The following RTKN variants were observed in gnomAD, a reference collection of about 807,000 sequenced individuals.
The protein encoded by RTKN is rhotekin.
Under a neutral mutation model 63.5 loss-of-function variants are expected in RTKN, and 49 were observed. The observed-to-expected ratio is 0.77, with a 90% CI of 0.61 to 0.98. The LOEUF is 0.98. Among genes scored for constraint, RTKN ranks in the 50% least tolerant of loss-of-function variants. The pLI is 0.00. For missense variants in RTKN, 685 were observed against 740.8 expected (o/e 0.92, Z 0.87); for synonymous variants, 295 against 290.4 (o/e 1.02, Z -0.16).
chr2:74,441,858 C>A lies in RTKN; in HGVS notation c.-42G>T. 1 of 1,314,902 alleles carries A rather than the reference C, an allele frequency of 7.6e-7. No homozygotes were observed. The highest frequency in any genetic ancestry group is 1.9e-5 in the Admixed American group (1 of 52,444). 81.5% of individuals were successfully genotyped at this position (1,314,902 alleles called of 1,614,324 possible). A position where few individuals can be genotyped will look rare whatever the true frequency, so the allele number is the denominator to read the frequency against. On this transcript the variant is annotated 5_prime_UTR_variant, in exon 1 of 12. Transcript: ENST00000272430. ...CTTTGCCTGCTCAGTGCGCTCCCCGCGCCGCCCGGCTTAGCCTCCTCTCCT... is the reference window on the plus strand; with the variant it reads ...CTTTGCCTGCTCAGTGCGCTCCCCGAGCCGCCCGGCTTAGCCTCCTCTCCT...
intron 9 of RTKN, 147 bp downstream of exon 9, chr2:74,428,121 T>C: frequency 1.0e-6 from 1 of 970,296 alleles, no homozygotes; most frequent in Non-Finnish European, 1.5e-6. Context: ...TTGGGGAAAA[T>C]ACGGGCCCCT....
At chr2:74,427,641 C>A (rs964417708) in intron 9 of RTKN, 49 bp from the exon 10 acceptor site, 1 of 1,581,750 alleles carries the variant, frequency 6.3e-7, no homozygotes, top group Non-Finnish European at 8.6e-7. Flanking sequence ...TTGGCAGTGA[C>A]AATCAGGCAG....
chr2:74,439,655 AC>A (rs1285006135), intron 1 of RTKN: 18 of 1,612,902 alleles, frequency 1.1e-5, no homozygotes, highest in Admixed American at 6.7e-5. Context: ...TCCCTTGTCA[AC>A]CCCTCCAGAG....
chr2:74,437,797 A>G (rs1217680862), intron 1 of RTKN, among the ~76,000 whole-genome samples: 4 of 152,220 alleles, frequency 2.6e-5, no homozygotes, highest in African/African-American at 7.2e-5. Flanking sequence ...TAGAGTCCCA[A>G]CGAGTTCACT....
Position 74,441,914 on chromosome 2 carries a change from G to T in RTKN, c.-98C>A. ...TCTGTCTCTCGACGCTCGTCCGCCA[G>T]TCCGGCCGGGAATCTCCCGCTGCGG... is the stretch of plus-strand genomic sequence containing the variant. On this transcript the variant is annotated 5_prime_UTR_variant, in exon 1 of 12. It adds an upstream start codon to the 5' untranslated region. Transcript: ENST00000272430. The T allele has an allele frequency of 1.4e-6, 1 of 730,664 alleles. No individual in the cohort carries two copies. The highest frequency in any genetic ancestry group is 2.3e-6 in the Non-Finnish European group (1 of 436,814). 45.3% of individuals were successfully genotyped at this position (730,664 alleles called of 1,614,324 possible).
Position 74,441,837 on chromosome 2 carries a change from G to A in RTKN, c.-21C>T, listed in dbSNP as rs767885550. ...AACATGCTGGCGGCCCTGCGACTTT[G>A]CCTGCTCAGTGCGCTCCCCGCGCCG... On this transcript the variant is annotated 5_prime_UTR_variant, in exon 1 of 12. Transcript: ENST00000272430. 15 of 1,528,906 alleles carry A rather than the reference G, an allele frequency of 9.8e-6. No individual in the cohort carries two copies. The highest frequency in any genetic ancestry group is 1.3e-5 in the Non-Finnish European group (14 of 1,111,818). 94.7% of individuals were successfully genotyped at this position (1,528,906 alleles called of 1,614,324 possible).
chr2:74,427,637 G>A (rs752282508), intron 9 of RTKN, 45 bp from the exon 10 acceptor site: 1 of 1,586,606 alleles, frequency 6.3e-7, no homozygotes, highest in South Asian at 1.1e-5. Flanking sequence ...GAAGTTGGCA[G>A]TGACAATCAG....
At chr2:74,426,892 T>G in intron 11 of RTKN, 1 of 1,355,360 alleles carries the variant, frequency 7.4e-7, no homozygotes, top group Non-Finnish European at 9.4e-7. Context: ...GAGACAGGAA[T>G]CCACATGCAG....
chr2:74,428,285 T>C lies in RTKN; in HGVS notation c.1069A>G (p.Thr357Ala), dbSNP rs553130094. 1 of 1,614,168 alleles carries C rather than the reference T, an allele frequency of 6.2e-7. No homozygotes were observed. Among genetic ancestry groups the C allele is most frequent in the African/African-American group, 1.3e-5 (1 of 75,046 alleles). The change falls in exon 9 of 12, where the codon ACT (threonine) becomes GCT (alanine). Residue 357 changes from threonine (T) to alanine (A), a missense_variant. By Grantham distance (58) the Thr-to-Ala change is moderately conservative (BLOSUM62 0). Transcript: ENST00000272430. ...CCCATCACCTTGTTGACAGCAATAG[T>C]AAGCAGCGGCTCTTCCCCAGTGTCT... ...DADTGEEPLL[T>A]IAVNKETRVR...
intron 1 of RTKN, among the ~76,000 whole-genome samples, chr2:74,433,184 A>T (rs957847465): frequency 2.6e-5 from 4 of 151,196 alleles, no homozygotes; most frequent in African/African-American, 9.7e-5. Flanking sequence ...CGGAGCTTGC[A>T]GTGAGCCGAG....
rs200771169 is a variant in RTKN, at chr2:74,430,024, G to T, written c.559C>A (p.Pro187Thr). Residue 187 changes from proline (P) to threonine (T), a missense_variant, in exon 6 of 12, where the codon CCA (proline) becomes ACA (threonine). By Grantham distance (38) the Pro-to-Thr change is conservative. Coordinates refer to ENST00000272430, the MANE Select transcript of RTKN (RefSeq NM_001015055.2). ...QSNVLFAEAG[P>T]DFELRLELYG... is the part of the protein sequence containing the mutation. Reference sequence around the variant, plus strand: ...AGCTCTAACCGCAGTTCAAAGTCTGGCCCCGCCTCAGCGCTGGTGGGAGGA... The same window carrying T: ...AGCTCTAACCGCAGTTCAAAGTCTGTCCCCGCCTCAGCGCTGGTGGGAGGA... 1.8e-5 allele frequency: 29 copies of T among 1,614,204 alleles called. No individual in the cohort carries two copies. The Admixed American group carries it at 4.7e-4, about 26-fold the overall frequency.
intron 1 of RTKN, among the ~76,000 whole-genome samples, chr2:74,434,482 G>A (rs1670947792): frequency 1.3e-5 from 2 of 152,088 alleles, no homozygotes; most frequent in South Asian, 2.1e-4. Context: ...GTTGCACCAT[G>A]TTGGCCAGGC....
rs901858282 is a variant in RTKN at position 74,427,127 on chromosome 2, A to G, written c.1360+42T>C. 3.2e-6 allele frequency: 5 copies of G among 1,583,554 alleles called. No individual in the cohort carries two copies. In the African/African-American group the frequency reaches 6.8e-5, roughly 21 times the overall value. On this transcript the variant is annotated intron_variant, in intron 11 of 11. Coordinates refer to ENST00000272430, the MANE Select transcript of RTKN (RefSeq NM_001015055.2). The stretch of plus-strand genomic sequence containing the variant: ...GGTTTCTCTTGAAGTCCCCAACCCT[A>G]CTTCCCATTAGCTTCCTGGAGTTCA...
chr2:74,428,072 G>C, intron 9 of RTKN, 196 bp downstream of exon 9: 1 of 651,252 alleles, frequency 1.5e-6, no homozygotes, highest in East Asian at 2.8e-5. Flanking sequence ...ACTGAGGATG[G>C]CAAGTGAATG....
intron 11 of RTKN, 101 bp downstream of exon 11, chr2:74,427,068 C>T (rs1010933081): frequency 2.7e-6 from 4 of 1,509,050 alleles, no homozygotes; most frequent in African/African-American, 2.8e-5. Flanking sequence ...TCTGGTGTAG[C>T]CCAGAGTGTG....
At chr2:74,440,468 G>C in intron 1 of RTKN, 2 of 986,774 alleles carry the variant, frequency 2.0e-6, no homozygotes, top group Non-Finnish European at 2.4e-6. Context: ...AACCAGCCCC[G>C]ATTCCGAGCC....
chr2:74,427,415 C>T lies in RTKN; in HGVS notation c.1255+9G>A, dbSNP rs753864814. 1 of 1,613,828 alleles carries T rather than the reference C, an allele frequency of 6.2e-7. No homozygotes were observed. The highest frequency in any genetic ancestry group is 1.7e-4 in the Middle Eastern group (1 of 6,060). ...CCCAAAGGTTCAACCCAGCCCCCTT[C>T]TCTCTTACTCATGTCAAAGAAAAGC... On this transcript the variant is annotated intron_variant, in intron 10 of 11. Coordinates refer to ENST00000272430, the MANE Select transcript of RTKN (RefSeq NM_001015055.2).
chr2:74,429,755 T>G, intron 6 of RTKN, 73 bp downstream of exon 6: 1 of 1,425,280 alleles, frequency 7.0e-7, no homozygotes. Flanking sequence ...TTCTGCACAC[T>G]CAACACAGTT....
intron 4 of RTKN, 31 bp downstream of exon 4, chr2:74,430,434 C>G: frequency 6.2e-7 from 1 of 1,614,002 alleles, no homozygotes; most frequent in Non-Finnish European, 8.5e-7. Flanking sequence ...GGTCATTCCC[C>G]TGAATTTGTC....
Sources: allele counts gnomAD v4.1 joint callset (sites outside exome capture counted in the v4.1 genomes callset), GRCh38; gene constraint gnomAD v4.1.1; transcripts MANE v1.5; gene names NCBI Gene and HGNC (gene_info 2026-07-23, HGNC 2026-07-21).